Variants in INPP5E observed in about 807,000 individuals in gnomAD.
INPP5E encodes the protein inositol polyphosphate-5-phosphatase E.
A neutral mutation model predicts 50.5 loss-of-function variants in INPP5E; 34 were observed. The ratio of observed to expected loss-of-function variants is 0.67; its 90% CI spans 0.51 to 0.90. The LOEUF (loss-of-function observed/expected upper bound fraction) is 0.90. Among genes scored for constraint, INPP5E ranks in the 40% least tolerant of loss-of-function variants. The probability of loss-of-function intolerance (pLI) is 0.00; values close to 1 mark genes in which losing one functional copy is unlikely to be tolerated. For missense variants in INPP5E, 942 were observed against 905.5 expected (o/e 1.04, Z -0.52); for synonymous variants, 447 against 406.0 (o/e 1.10, Z -1.21).
chr9:136,432,686 G>A, intron 5 of INPP5E, 100 bp from the exon 6 acceptor site: 1 of 956,456 alleles, frequency 1.0e-6, no homozygotes, highest in South Asian at 1.4e-5. Context: ...CGCACCCCCG[G>A]CAGACGCAAC....
rs143552175 is a variant in INPP5E at position 136,430,309 on chromosome 9, G to A, written c.1770C>T (p.Leu590=). The part of the protein sequence containing the change: ...KTSDHRPVYG[L]FRVKVRPGRD... ...GCCCCGGCCTCACTTTCACCCGGAAGAGGCCATACACAGGGCGGTGGTCGG... is the reference window on the plus strand; with the variant it reads ...GCCCCGGCCTCACTTTCACCCGGAAAAGGCCATACACAGGGCGGTGGTCGG... Residue 590 remains leucine, a synonymous_variant, in exon 9 of 10, where the codon CTC becomes CTT. Coordinates refer to ENST00000371712, the MANE Select transcript of INPP5E (RefSeq NM_019892.6). The A allele has an allele frequency of 1.1e-3, 1,714 of 1,551,804 alleles. 17 individuals carry two copies. In the African/African-American group the frequency reaches 0.02, roughly 18 times the overall value.
chr9:136,432,360 G>T, intron 6 of INPP5E, 119 bp downstream of exon 6: 1 of 740,526 alleles, frequency 1.4e-6, no homozygotes, highest in Non-Finnish European at 2.4e-6. Context: ...GGCACTGGAC[G>T]TTTCGGCCCT....
chr9:136,428,909 G>A lies in INPP5E; in HGVS notation c.*766C>T, dbSNP rs1056611786. The A allele has an allele frequency of 7.9e-5, 12 of 152,538 alleles. 1 individual carries two copies. Among genetic ancestry groups the A allele is most frequent in the Middle Eastern group, 6.8e-3 (2 of 294 alleles). The allele number at this position is 152,538 out of a possible 1,614,324, so 9.4% of individuals were successfully genotyped here. A position where few individuals can be genotyped will look rare whatever the true frequency, so the allele number is the denominator to read the frequency against. On this transcript the variant is annotated 3_prime_UTR_variant, in exon 10 of 10. Coordinates refer to ENST00000371712, the MANE Select transcript of INPP5E (RefSeq NM_019892.6). Reference sequence around the variant, plus strand: ...CGCGGCTGGAGTTAAAGAAGCAAACGGTCTACGTCACCAAGACCATGAGAC... The same window carrying A: ...CGCGGCTGGAGTTAAAGAAGCAAACAGTCTACGTCACCAAGACCATGAGAC...
chr9:136,438,592 G>T lies in INPP5E; in HGVS notation c.812+16C>A. ...CGAAGGCGGCGCGGGCGCTGCACCC[G>T]CCAGGCCCTCCCTACCTGCTGCGGA... On this transcript the variant is annotated intron_variant, in intron 1 of 9. Coordinates refer to ENST00000371712, the MANE Select transcript of INPP5E (RefSeq NM_019892.6). 7.1e-7 allele frequency: 1 copy of T among 1,410,344 alleles called. No homozygotes were observed. Among genetic ancestry groups the T allele is most frequent in the Admixed American group, 2.7e-5 (1 of 37,368 alleles). The allele number at this position is 1,410,344 out of a possible 1,614,324, so 87.4% of individuals were successfully genotyped here.
intron 9 of INPP5E, 93 bp downstream of exon 9, chr9:136,430,184 G>C (rs1050473789): frequency 8.7e-6 from 13 of 1,490,572 alleles, no homozygotes; most frequent in East Asian, 2.5e-5. Context: ...AAAGCCCCAA[G>C]TGGAACCCCA....
rs34619169 is a variant in INPP5E at position 136,432,825 on chromosome 9, G to A, written c.1279+131C>T. On this transcript the variant is annotated intron_variant, in intron 5 of 9. Coordinates refer to ENST00000371712, the MANE Select transcript of INPP5E (RefSeq NM_019892.6). ...GTCCTTGGCGTGCATCTTAGCAAGC[G>A]TGGTGCCCACCCCACGGCCCTGGGT... is the stretch of plus-strand genomic sequence containing the variant. 344,155 of 1,249,782 alleles carry A rather than the reference G, an allele frequency of 0.28. 50,058 individuals are homozygous for A. The highest frequency in any genetic ancestry group is 0.3 in the Non-Finnish European group (264,415 of 883,924). 77.4% of individuals were successfully genotyped at this position (1,249,782 alleles called of 1,614,324 possible). A position where few individuals can be genotyped will look rare whatever the true frequency, so the allele number is the denominator to read the frequency against.
chr9:136,439,234 G>A lies in INPP5E; in HGVS notation c.186C>T (p.Asp62=). 2 of 1,525,958 alleles carry A rather than the reference G, an allele frequency of 1.3e-6. No individual in the cohort carries two copies. Among genetic ancestry groups the A allele is most frequent in the Non-Finnish European group, 1.8e-6 (2 of 1,142,104 alleles). 94.5% of individuals were successfully genotyped at this position (1,525,958 alleles called of 1,614,324 possible). A position where few individuals can be genotyped will look rare whatever the true frequency, so the allele number is the denominator to read the frequency against. ...CSTPATPSGE[D]PPARAAPIAP... is the part of the protein sequence containing the mutation. Reference sequence around the variant, plus strand: ...CGATGGGTGCTGCTCGGGCTGGCGGGTCCTCGCCGCTGGGCGTGGCCGGAG... The same window carrying A: ...CGATGGGTGCTGCTCGGGCTGGCGGATCCTCGCCGCTGGGCGTGGCCGGAG... The change falls in exon 1 of 10, where the codon GAC becomes GAT. Residue 62 remains aspartate, a synonymous_variant. Coordinates refer to ENST00000371712, the MANE Select transcript of INPP5E (RefSeq NM_019892.6).
At chr9:136,433,540 G>A (rs1245098717) in intron 3 of INPP5E, among the ~76,000 whole-genome samples, 1 of 152,060 alleles carries the variant, frequency 6.6e-6, no homozygotes. Flanking sequence ...CCCGCCTGAG[G>A]GACTCATGGG....
At position 136,431,926 on chromosome 9, in the gene INPP5E, T is replaced by C; in HGVS notation, c.1447A>G (p.Ser483Gly). 6.2e-7 allele frequency: 1 copy of C among 1,611,494 alleles called. No homozygotes were observed. The highest frequency in any genetic ancestry group is 1.1e-5 in the South Asian group (1 of 90,974). ...FWFGDFNFRLSGGRTVVDALL... is the reference protein window; with the variant it reads ...FWFGDFNFRLGGGRTVVDALL... ...GCGTCCACGACTGTGCGCCCGCCAC[T>C]CAGGCGGAAGTTGAAGTCTCCAAAC... Residue 483 changes from serine to glycine, a missense_variant, in exon 7 of 10, where the codon AGT (serine) becomes GGT (glycine). Ser to Gly is a moderately conservative substitution (Grantham distance 56, BLOSUM62 0). Transcript: ENST00000371712.
In INPP5E at chr9:136,430,306, G is replaced by T; in HGVS notation, c.1773C>A (p.Phe591Leu). ...CTCGCCCCGGCCTCACTTTCACCCGGAAGAGGCCATACACAGGGCGGTGGT... is the reference window on the plus strand; with the variant it reads ...CTCGCCCCGGCCTCACTTTCACCCGTAAGAGGCCATACACAGGGCGGTGGT... ...TSDHRPVYGL[F>L]RVKVRPGRDN... The change falls in exon 9 of 10, where the codon TTC becomes TTA. Residue 591 changes from phenylalanine to leucine, a missense_variant. Physicochemically the swap from Phe to Leu is conservative, Grantham distance 22. Transcript: ENST00000371712. 2 of 1,551,736 alleles carry T rather than the reference G, an allele frequency of 1.3e-6. No homozygotes were observed. The highest frequency in any genetic ancestry group is 1.7e-6 in the Non-Finnish European group (2 of 1,147,060).
In INPP5E at chr9:136,432,974, T is replaced by C. The variant is rs1269816718; in HGVS notation, c.1261A>G (p.Ile421Val). The C allele has an allele frequency of 5.0e-6, 8 of 1,613,326 alleles. No homozygotes were observed. Among genetic ancestry groups the C allele is most frequent in the South Asian group, 1.1e-5 (1 of 91,022 alleles). Residue 421 changes from isoleucine (I) to valine (V), a missense_variant, in exon 5 of 10, where the codon ATC becomes GTC. Transcript: ENST00000371712. ...AACTTACAGGTGAAGTGGGACGTGA[T>C]GAAGAGGAAGGAAGTGCCAAAAAAG... ...FTFFGTSFLFITSHFTSGDGK... is the reference protein window; with the variant it reads ...FTFFGTSFLFVTSHFTSGDGK...
Position 136,431,878 on chromosome 9 carries a change from C to T in INPP5E, c.1495G>A (p.Val499Met). The change falls in exon 7 of 10, where the codon GTG becomes ATG. Residue 499 changes from valine to methionine, a missense_variant. Coordinates refer to ENST00000371712, the MANE Select transcript of INPP5E (RefSeq NM_019892.6). ...VDALLCQGLV[V>M]DVPALLQHDQ... ...TGCTGCAGCAGCGCCGGCACGTCCA[C>T]CACCAGGCCCTGGCACAGGAGGGCG... 1 of 1,610,768 alleles carries T rather than the reference C, an allele frequency of 6.2e-7. No homozygotes were observed. The highest frequency in any genetic ancestry group is 8.5e-7 in the Non-Finnish European group (1 of 1,179,506).
At position 136,434,777 on chromosome 9, in the gene INPP5E, G is replaced by A. The variant is rs1401953159; in HGVS notation, c.899C>T (p.Ala300Val). The change falls in exon 2 of 10, where the codon GCA (alanine) becomes GTA (valine). Residue 300 changes from alanine to valine, a missense_variant. Ala to Val is a moderately conservative substitution (Grantham distance 64, BLOSUM62 0). Transcript: ENST00000371712. Reference protein sequence around the residue: ...LARYFPDRNVALFVATWNMQG... With the variant: ...LARYFPDRNVVLFVATWNMQG... The stretch of plus-strand genomic sequence containing the variant: ...CATGTTCCAGGTGGCCACGAAGAGT[G>A]CCACGTTCCGGTCTGGGAAGTAGCG... 1 of 1,609,088 alleles carries A rather than the reference G, an allele frequency of 6.2e-7. No individual in the cohort carries two copies. The highest frequency in any genetic ancestry group is 8.5e-7 in the Non-Finnish European group (1 of 1,178,000).
At chr9:136,437,244 T>G (rs1209168751) in intron 1 of INPP5E, 1 of 152,202 alleles carries the variant, frequency 6.6e-6, no homozygotes, top group Non-Finnish European at 1.5e-5. Context: ...GGGACTGTGG[T>G]GAGCTGAACA....
chr9:136,432,611 G>T lies in INPP5E; in HGVS notation c.1280-25C>A, dbSNP rs187844916. 15 of 1,428,852 alleles carry T rather than the reference G, an allele frequency of 1.0e-5. No homozygotes were observed. In the South Asian group the frequency reaches 1.7e-4, roughly 16 times the overall value. 88.5% of individuals were successfully genotyped at this position (1,428,852 alleles called of 1,614,324 possible). ...GCTGTGGGAACAGAAATGGGGTAGG[G>T]ACCACAGGGTTCCGGATGCTCGAGT... On this transcript the variant is annotated intron_variant, in intron 5 of 9. Transcript: ENST00000371712.
Position 136,430,390 on chromosome 9 carries a change from G to T in INPP5E, c.1689C>A (p.Arg563=), listed in dbSNP as rs2131604929. ...TCACAGGACAGATGTCACCCTTGTG[G>T]CGGCTTCTGTACAAGACGCGGTCCT... ...SYTDRVLYRS[R]HKGDICPVSY... Residue 563 remains arginine (R), a synonymous_variant, in exon 9 of 10, where the codon CGC becomes CGA. Transcript: ENST00000371712. 7 of 1,556,494 alleles carry T rather than the reference G, an allele frequency of 4.5e-6. No individual in the cohort carries two copies. The highest frequency in any genetic ancestry group is 6.1e-6 in the Non-Finnish European group (7 of 1,149,204).
At position 136,439,728 on chromosome 9, in the gene INPP5E, G is replaced by A. The variant is rs997149855; in HGVS notation, c.-309C>T. 2 of 260,076 alleles carry A rather than the reference G, an allele frequency of 7.7e-6. No homozygotes were observed. Among genetic ancestry groups the A allele is most frequent in the Non-Finnish European group, 1.5e-5 (2 of 137,878 alleles). The allele number at this position is 260,076 out of a possible 1,614,324, so 16.1% of individuals were successfully genotyped here. ...GACGGGGACGCCGCTCGGGGAGAGG[G>A]GTGGGAAGCGGGCACCCCTGGCTGG... is the stretch of plus-strand genomic sequence containing the variant. On this transcript the variant is annotated 5_prime_UTR_variant, in exon 1 of 10. Coordinates refer to ENST00000371712, the MANE Select transcript of INPP5E (RefSeq NM_019892.6).
At chr9:136,432,253 C>T (rs867877193) in intron 6 of INPP5E, among the ~76,000 whole-genome samples, 8 of 152,170 alleles carry the variant, frequency 5.3e-5, no homozygotes, top group Admixed American at 3.3e-4. Flanking sequence ...CGGGCAGTGG[C>T]GAGGACCAGG....
At chr9:136,434,891 G>A (rs776710782) in intron 1 of INPP5E, 28 bp from the exon 2 acceptor site, 1 of 1,592,742 alleles carries the variant, frequency 6.3e-7, no homozygotes, top group South Asian at 1.1e-5. Context: ...CAAGCTCAGG[G>A]CCAGGCACAG....
Sources: gnomAD v4.1 joint callset for allele counts (sites outside exome capture counted in the v4.1 genomes callset) on GRCh38, gnomAD v4.1.1 for gene constraint, MANE v1.5 for transcripts, NCBI Gene and HGNC (gene_info 2026-07-23, HGNC 2026-07-21) for gene names.